FERRY3: variants seen among roughly 807,000 people sequenced by gnomAD.
The protein encoded by FERRY3 is protein C12orf4.
At chr12:4,531,257 G>C in the FERRY3 span, among the ~76,000 whole-genome samples, 3 of 152,122 alleles carry the variant, frequency 2.0e-5, no homozygotes, top group African/African-American at 7.2e-5. Context: ...TTCATCTTTA[G>C]ACGTGCGACT....
chr12:4,533,529 G>C, the FERRY3 span, among the ~76,000 whole-genome samples: 2,515 of 152,220 alleles, frequency 0.017, 70 homozygotes, highest in African/African-American at 0.058. Flanking sequence ...TCTTATACTT[G>C]ATGTCATCTT....
At chr12:4,524,033 CT>C in the FERRY3 span, among the ~76,000 whole-genome samples, 530 of 146,028 alleles carry the variant, frequency 3.6e-3, 1 homozygote, top group African/African-American at 0.011. Flanking sequence ...TAAGAGATAA[CT>C]TTTTTTTTTT....
chr12:4,511,208 C>T, the FERRY3 span, among the ~76,000 whole-genome samples: 1 of 151,802 alleles, frequency 6.6e-6, no homozygotes, highest in Non-Finnish European at 1.5e-5. Flanking sequence ...AATATATATG[C>T]ACTCAATACA....
chr12:4,491,880 A>G, the FERRY3 span, among the ~76,000 whole-genome samples: 1 of 152,168 alleles, frequency 6.6e-6, no homozygotes, highest in East Asian at 1.9e-4. Context: ...TTATTTCACT[A>G]TTGTGATTCT....
At chr12:4,531,836 C>T in the FERRY3 span, among the ~76,000 whole-genome samples, 1 of 152,322 alleles carries the variant, frequency 6.6e-6, no homozygotes, top group East Asian at 1.9e-4. Flanking sequence ...CTGCCATCAA[C>T]CTGGGTTACT....
At chr12:4,538,421 C>G in the FERRY3 span, 1 of 159,722 alleles carries the variant, frequency 6.3e-6, no homozygotes, top group African/African-American at 2.4e-5. Context: ...CGTCTAGTTC[C>G]GAAGTCCTGG....
the FERRY3 span, among the ~76,000 whole-genome samples, chr12:4,520,438 C>G: frequency 7.2e-5 from 11 of 152,258 alleles, no homozygotes; most frequent in African/African-American, 2.6e-4. Flanking sequence ...TGCTGGGAGG[C>G]AGAGCAAAAG....
the FERRY3 span, among the ~76,000 whole-genome samples, chr12:4,514,459 C>T: frequency 7.9e-5 from 12 of 152,210 alleles, no homozygotes; most frequent in East Asian, 1.9e-4. Flanking sequence ...ATGTTTACTG[C>T]GGCATTATTC....
chr12:4,533,355 C>T, the FERRY3 span, among the ~76,000 whole-genome samples: 3 of 152,156 alleles, frequency 2.0e-5, no homozygotes, highest in African/African-American at 4.8e-5. Flanking sequence ...TCTTTATATT[C>T]GAACTTCTTC....
the FERRY3 span, chr12:4,505,177 T>C: frequency 6.0e-6 from 4 of 661,168 alleles, no homozygotes; most frequent in East Asian, 2.7e-5. Context: ...AGGTACAAAG[T>C]GTTGTTTCAA....
chr12:4,531,906 A>G, the FERRY3 span, among the ~76,000 whole-genome samples: 5 of 152,110 alleles, frequency 3.3e-5, no homozygotes, highest in East Asian at 9.7e-4. Context: ...GAACTCTACA[A>G]TCTTTACTGT....
At chr12:4,531,020 A>C in the FERRY3 span, among the ~76,000 whole-genome samples, 1 of 152,350 alleles carries the variant, frequency 6.6e-6, no homozygotes, top group East Asian at 1.9e-4. Context: ...AAATATTAAA[A>C]ACTGGAATTT....
the FERRY3 span, among the ~76,000 whole-genome samples, chr12:4,531,990 T>C: frequency 6.6e-6 from 1 of 151,948 alleles, no homozygotes; most frequent in Non-Finnish European, 1.5e-5. Flanking sequence ...AGATAAGCTA[T>C]AAGTCTGCCT....
chr12:4,537,436 T>A, the FERRY3 span, among the ~76,000 whole-genome samples: 2 of 152,234 alleles, frequency 1.3e-5, no homozygotes, highest in African/African-American at 4.8e-5. Context: ...GTATTCCATG[T>A]ATTAGGCAGG....
At chr12:4,514,626 T>C in the FERRY3 span, among the ~76,000 whole-genome samples, 2 of 151,222 alleles carry the variant, frequency 1.3e-5, no homozygotes, top group South Asian at 4.2e-4. Flanking sequence ...ATCATCATTC[T>C]CAGTAAACTA....
chr12:4,500,982 T>C, the FERRY3 span, among the ~76,000 whole-genome samples: 1 of 152,182 alleles, frequency 6.6e-6, no homozygotes, highest in Non-Finnish European at 1.5e-5. Flanking sequence ...TAAAAAAGGT[T>C]ACTTGTTTTT....
chr12:4,517,154 G>C, the FERRY3 span: 3 of 1,584,202 alleles, frequency 1.9e-6, no homozygotes, highest in South Asian at 3.6e-5. Context: ...CGGGGGAAAT[G>C]GAAGTCAGTG....
chr12:4,523,725 C>T, the FERRY3 span, among the ~76,000 whole-genome samples: 763 of 152,222 alleles, frequency 5.0e-3, 6 homozygotes, highest in Non-Finnish European at 5.8e-3. Flanking sequence ...AACCAAACAC[C>T]GCATGTTCTC....
At chr12:4,521,818 TA>T in the FERRY3 span, among the ~76,000 whole-genome samples, 1 of 152,256 alleles carries the variant, frequency 6.6e-6, no homozygotes, top group African/African-American at 2.4e-5. Context: ...ATGTGAAACC[TA>T]AAACAATAAA....
Sources: allele counts gnomAD v4.1 joint callset (sites outside exome capture counted in the v4.1 genomes callset), GRCh38; gene constraint gnomAD v4.1.1; transcripts MANE v1.5; gene names NCBI Gene and HGNC (gene_info 2026-07-23, HGNC 2026-07-21).